RPL15: variants seen among roughly 807,000 people sequenced by gnomAD.
RPL15 encodes ribosomal protein L15.
For synonymous variants in RPL15, 97 were observed against 95.1 expected (o/e 1.02, Z -0.12); for missense variants, 161 against 271.8 (o/e 0.59, Z 2.87).
At chr3:23,918,263 C>T (rs1704795236) in intron 2 of RPL15, 177 bp from the exon 3 acceptor site, 3 of 899,852 alleles carry the variant, frequency 3.3e-6, no homozygotes, top group Non-Finnish European at 5.0e-6. Context: ...AGTGTGCCTC[C>T]CTGTGTGAGT....
chr3:23,918,450 A>G lies in RPL15; in HGVS notation c.183A>G (p.Ile61Met). 1 of 1,612,550 alleles carries G rather than the reference A, an allele frequency of 6.2e-7. No individual in the cohort carries two copies. The highest frequency in any genetic ancestry group is 8.5e-7 in the Non-Finnish European group (1 of 1,179,796). The change falls in exon 3 of 4, where the codon ATA becomes ATG. Residue 61 changes from isoleucine to methionine, a missense_variant. Transcript: ENST00000307839. ...TGTGTTTGTGTGTAGGTTACGTTATATATAGGATTCGTGTTCGCCGTGGTG... is the reference window on the plus strand; with the variant it reads ...TGTGTTTGTGTGTAGGTTACGTTATGTATAGGATTCGTGTTCGCCGTGGTG... ...LGYKAKQGYV[I>M]YRIRVRRGGR... is the part of the protein sequence containing the mutation.
Position 23,919,803 on chromosome 3 carries a change from C to T in RPL15, c.*302C>T. 1 of 1,073,006 alleles carries T rather than the reference C, an allele frequency of 9.3e-7. No homozygotes were observed. Among genetic ancestry groups the T allele is most frequent in the Non-Finnish European group, 1.1e-6 (1 of 886,552 alleles). 66.5% of individuals were successfully genotyped at this position (1,073,006 alleles called of 1,614,324 possible). On this transcript the variant is annotated 3_prime_UTR_variant, in exon 4 of 4. Transcript: ENST00000307839. ...TTAAAAGGAGAGAACTGAAACTAGC[C>T]CTGTAGATTTGTCTGGTGCATGTGA...
chr3:23,921,737 G>T, downstream of RPL15: 1 of 617,758 alleles, frequency 1.6e-6, no homozygotes. Flanking sequence ...GCCATGCCCA[G>T]CTAAGTTTTG....
chr3:23,918,359 G>A (rs1704812649), intron 2 of RPL15, 81 bp from the exon 3 acceptor site: 1 of 1,462,130 alleles, frequency 6.8e-7, no homozygotes, highest in Non-Finnish European at 9.2e-7. Flanking sequence ...TATTTTTGGT[G>A]GAGTATTAGT....
chr3:23,920,368 T>G lies in RPL15; in HGVS notation c.*867T>G. ...CCACTCCCATAGGCTACAGAAAAAG[T>G]CACAAGCGCATGGTTTCCAACCATA... is the stretch of plus-strand genomic sequence containing the variant. On this transcript the variant is annotated 3_prime_UTR_variant, in exon 4 of 4. Transcript: ENST00000307839. The G allele has an allele frequency of 1.0e-6, 1 of 985,490 alleles. No individual in the cohort carries two copies. The highest frequency in any genetic ancestry group is 1.7e-5 in the African/African-American group (1 of 57,360). 61.0% of individuals were successfully genotyped at this position (985,490 alleles called of 1,614,324 possible).
intron 3 of RPL15, 175 bp downstream of exon 3, chr3:23,918,751 A>G (rs185665988): frequency 4.0e-6 from 3 of 755,828 alleles, no homozygotes; most frequent in African/African-American, 3.5e-5. Context: ...CTTTGTTACA[A>G]ATGCGTGTGT....
intron 3 of RPL15, 21 bp from the exon 4 acceptor site, chr3:23,919,175 G>A: frequency 1.3e-6 from 2 of 1,559,458 alleles, no homozygotes; most frequent in South Asian, 2.2e-5. Flanking sequence ...GATTGACCTT[G>A]GGCCTTTTTT....
upstream of RPL15, chr3:23,916,914 T>G (rs1326196125): frequency 3.3e-5 from 5 of 152,646 alleles, no homozygotes; most frequent in Admixed American, 3.3e-4. Context: ...CGCCGAGACC[T>G]CGCCGCCAAC....
chr3:23,919,094 C>G, intron 3 of RPL15, 102 bp from the exon 4 acceptor site: 8 of 770,186 alleles, frequency 1.0e-5, no homozygotes, highest in Non-Finnish European at 1.8e-5. Flanking sequence ...TAGTAAAAGA[C>G]TCTTGTCTGG....
downstream of RPL15, chr3:23,921,767 G>A: frequency 3.4e-6 from 2 of 594,792 alleles, no homozygotes; most frequent in South Asian, 2.1e-5. Flanking sequence ...TAGAGACTGG[G>A]TTTCACTATG....
chr3:23,921,897 C>T (rs1381965003), downstream of RPL15: 3 of 411,860 alleles, frequency 7.3e-6, no homozygotes, highest in South Asian at 3.8e-5. Flanking sequence ...TTTGTACAGA[C>T]AGGATCTCAC....
downstream of RPL15, chr3:23,921,557 C>T: frequency 1.5e-6 from 1 of 653,132 alleles, no homozygotes. Context: ...CACACAGCAA[C>T]ATTGATTATT....
At chr3:23,919,060 G>A (rs990447598) in intron 3 of RPL15, 136 bp from the exon 4 acceptor site, 13 of 644,678 alleles carry the variant, frequency 2.0e-5, no homozygotes, top group African/African-American at 2.0e-4. Context: ...AGTCTAGGGA[G>A]AAATGCTTAG....
chr3:23,918,880 T>C (rs1367886118), intron 3 of RPL15: 15 of 511,840 alleles, frequency 2.9e-5, no homozygotes, highest in Non-Finnish European at 4.1e-5. Context: ...TAAACGTTGC[T>C]GAGCTCTCAG....
intron 1 of RPL15, chr3:23,917,527 T>G: frequency 4.3e-6 from 1 of 234,550 alleles, no homozygotes; most frequent in Non-Finnish European, 8.3e-6. Context: ...TGTCCTGTGA[T>G]GTCAGCGGCA....
chr3:23,916,831 G>C (rs1285026433), upstream of RPL15: 1 of 152,768 alleles, frequency 6.5e-6, no homozygotes, highest in African/African-American at 2.4e-5. Context: ...CGCGGTACGC[G>C]GCCACCGGCT....
rs752373728 is a variant in RPL15 at position 23,918,591 on chromosome 3, G to A, written c.309+15G>A. ...CCGTTGCAGAGGTAAATGGTTTTGA[G>A]TAGCAGTTATATTGAATACTGCCTG... On this transcript the variant is annotated intron_variant, in intron 3 of 3. Coordinates refer to ENST00000307839, the MANE Select transcript of RPL15 (RefSeq NM_002948.5). 3 of 1,612,276 alleles carry A rather than the reference G, an allele frequency of 1.9e-6. No homozygotes were observed. The African/African-American group carries it at 4.0e-5, about 22-fold the overall frequency.
intron 1 of RPL15, chr3:23,917,577 G>A: frequency 3.0e-6 from 1 of 328,626 alleles, no homozygotes; most frequent in Non-Finnish European, 5.6e-6. Flanking sequence ...GCCTGCCGCA[G>A]CCACCCGCCC....
At chr3:23,917,799 T>G in intron 1 of RPL15, 51 bp from the exon 2 acceptor site, 1 of 1,520,160 alleles carries the variant, frequency 6.6e-7, no homozygotes, top group Non-Finnish European at 8.9e-7. Context: ...GATACAGTCG[T>G]CTTATTGTAC....
Sources: allele counts gnomAD v4.1 joint callset, GRCh38; gene constraint gnomAD v4.1.1; transcripts MANE v1.5; gene names NCBI Gene and HGNC (gene_info 2026-07-23, HGNC 2026-07-21).